CCDC81: variants seen among roughly 807,000 people sequenced by gnomAD.
CCDC81 encodes coiled-coil domain containing 81.
A neutral mutation model predicts 83.7 loss-of-function variants in CCDC81; 79 were observed. The observed-to-expected ratio is 0.94, with a 90% CI of 0.79 to 1.14. CCDC81 has a LOEUF of 1.14. CCDC81 is among the 50% of genes most tolerant of loss of function. The pLI, the probability that CCDC81 is intolerant of heterozygous loss-of-function variation, is 0.00. For missense variants in CCDC81, 791 were observed against 778.1 expected (o/e 1.02, Z -0.20); for synonymous variants, 252 against 278.1 (o/e 0.91, Z 0.93).
intron 1 of CCDC81, among the ~76,000 whole-genome samples, chr11:86,382,437 T>C (rs375357838): frequency 6.4e-4 from 98 of 152,266 alleles, no homozygotes; most frequent in African/African-American, 2.3e-3. Context: ...ACTTCTGAGT[T>C]CCTGGCTCAT....
At chr11:86,384,312 G>C (rs77611544) in intron 1 of CCDC81, among the ~76,000 whole-genome samples, 1 of 152,016 alleles carries the variant, frequency 6.6e-6, no homozygotes, top group African/African-American at 2.4e-5. Context: ...TATGGGCTGT[G>C]GGGGTGGGGA....
intron 14 of CCDC81, 82 bp downstream of exon 14, chr11:86,420,135 C>A: frequency 6.7e-7 from 1 of 1,498,940 alleles, no homozygotes; most frequent in Admixed American, 2.1e-5. Flanking sequence ...ACTTGATTAG[C>A]AGTGGCTGCC....
Position 86,409,243 on chromosome 11 carries a change from T to G in CCDC81, c.1114-18T>G. On this transcript the variant is annotated intron_variant, in intron 9 of 14. Coordinates refer to ENST00000445632, the MANE Select transcript of CCDC81 (RefSeq NM_001156474.2). ...ATTTAAAATTTAAAAATAAACTTTT[T>G]TTTTTTTTAAACAATAGATGAAAAG... 1 of 1,290,556 alleles carries G rather than the reference T, an allele frequency of 7.7e-7. No individual in the cohort carries two copies. The highest frequency in any genetic ancestry group is 1.5e-5 in the African/African-American group (1 of 64,822). 79.9% of individuals were successfully genotyped at this position (1,290,556 alleles called of 1,614,324 possible).
intron 7 of CCDC81, among the ~76,000 whole-genome samples, chr11:86,405,945 C>T (rs1310192359): frequency 4.6e-5 from 7 of 151,826 alleles, no homozygotes; most frequent in African/African-American, 1.2e-4. Context: ...GTATTTTTAG[C>T]GGAGACAGGG....
At chr11:86,414,658 T>C (rs913678591) in intron 11 of CCDC81, 131 bp from the exon 12 acceptor site, 4 of 627,266 alleles carry the variant, frequency 6.4e-6, no homozygotes, top group Non-Finnish European at 5.5e-6. Context: ...GCTACCAGAA[T>C]AAAACATCAA....
intron 1 of CCDC81, among the ~76,000 whole-genome samples, chr11:86,385,223 A>G (rs1487982883): frequency 6.6e-6 from 1 of 152,164 alleles, no homozygotes; most frequent in Non-Finnish European, 1.5e-5. Flanking sequence ...CCCTGTCTCT[A>G]CTAAAAGTAC....
intron 7 of CCDC81, among the ~76,000 whole-genome samples, chr11:86,402,088 T>C (rs1948498098): frequency 6.9e-6 from 1 of 145,914 alleles, no homozygotes; most frequent in African/African-American, 2.6e-5. Flanking sequence ...TGAGCCAAGA[T>C]AGTGCCACTG....
chr11:86,398,390 T>C (rs1948438487), intron 6 of CCDC81, among the ~76,000 whole-genome samples: 1 of 152,188 alleles, frequency 6.6e-6, no homozygotes, highest in South Asian at 2.1e-4. Flanking sequence ...ACATTTCTAA[T>C]GAAAAACAAA....
intron 10 of CCDC81, among the ~76,000 whole-genome samples, chr11:86,410,951 A>G (rs544402442): frequency 1.4e-4 from 22 of 152,322 alleles, no homozygotes; most frequent in Non-Finnish European, 3.1e-4. Flanking sequence ...GCCAAGCCAC[A>G]TTGTTATGCT....
intron 10 of CCDC81, among the ~76,000 whole-genome samples, chr11:86,412,029 C>A (rs2138535458): frequency 6.6e-6 from 1 of 152,336 alleles, no homozygotes; most frequent in Admixed American, 6.5e-5. Context: ...GCTATATAAA[C>A]CCCTACTTTT....
At chr11:86,408,745 T>C (rs1037435231) in intron 9 of CCDC81, among the ~76,000 whole-genome samples, 7 of 152,240 alleles carry the variant, frequency 4.6e-5, no homozygotes, top group Non-Finnish European at 5.9e-5. Flanking sequence ...TTTTCACTAA[T>C]AATAAACAAC....
rs760946036 is a variant in CCDC81, at chr11:86,412,522, T to G, written c.1354T>G (p.Leu452Val). Residue 452 changes from leucine (L) to valine (V), a missense_variant, in exon 11 of 15, where the codon TTG becomes GTG. By Grantham distance (32) the Leu-to-Val change is conservative. Transcript: ENST00000445632. The part of the protein sequence containing the change: ...NEIKQRQYRE[L>V]MDRLEQVQLT... ...AATAAAGCAAAGACAATACAGAGAG[T>G]TGATGGACCGCCTGGAACAAGTGCA... The G allele has an allele frequency of 6.2e-7, 1 of 1,612,672 alleles. No individual in the cohort carries two copies. The highest frequency in any genetic ancestry group is 8.5e-7 in the Non-Finnish European group (1 of 1,179,578).
chr11:86,409,960 C>T (rs994447577), intron 10 of CCDC81, among the ~76,000 whole-genome samples: 1 of 152,284 alleles, frequency 6.6e-6, no homozygotes. Flanking sequence ...CTACTAAAGT[C>T]CAGCCCAAGG....
intron 1 of CCDC81, among the ~76,000 whole-genome samples, chr11:86,378,547 G>C (rs371415893): frequency 6.6e-6 from 1 of 152,130 alleles, no homozygotes; most frequent in Non-Finnish European, 1.5e-5. Context: ...AGCTGGATCT[G>C]TTCATTTCTG....
rs1948260314 is a variant in CCDC81, at chr11:86,387,542, T to C, written c.168T>C (p.Thr56=). 6.2e-7 allele frequency: 1 copy of C among 1,613,980 alleles called. No homozygotes were observed. The highest frequency in any genetic ancestry group is 1.7e-5 in the Admixed American group (1 of 60,004). ...GGGTTCAGATTCCAGCATTTGGAAC[T>C]TTCACTTTCATAAGACAAAAGCTTG... The part of the protein sequence containing the change: ...HKGVQIPAFG[T]FTFIRQKLEV... The change falls in exon 3 of 15, where the codon ACT becomes ACC. Residue 56 remains threonine (T), a synonymous_variant. Transcript: ENST00000445632.
chr11:86,401,349 A>G (rs542419878), intron 7 of CCDC81, among the ~76,000 whole-genome samples: 1 of 152,302 alleles, frequency 6.6e-6, no homozygotes, highest in East Asian at 1.9e-4. Flanking sequence ...ACCTCAAATC[A>G]GTCAACCATA....
At chr11:86,375,342 C>A in intron 1 of CCDC81, 100 bp downstream of exon 1, 1 of 1,021,750 alleles carries the variant, frequency 9.8e-7, no homozygotes, top group Non-Finnish European at 1.4e-6. Flanking sequence ...TGGCTCAGGC[C>A]TGGCCTGCCG....
At chr11:86,388,263 T>C (rs981547062) in intron 3 of CCDC81, among the ~76,000 whole-genome samples, 17 of 148,946 alleles carry the variant, frequency 1.1e-4, no homozygotes, top group African/African-American at 3.7e-4. Context: ...GAGCCAACTA[T>C]GTGTCAGACC....
chr11:86,401,875 G>A (rs766681480), intron 7 of CCDC81, among the ~76,000 whole-genome samples: 2 of 152,090 alleles, frequency 1.3e-5, no homozygotes, highest in Non-Finnish European at 2.9e-5. Context: ...AGTGGCTCAC[G>A]CCTGTAATCC....
Sources: allele counts gnomAD v4.1 joint callset (sites outside exome capture counted in the v4.1 genomes callset), GRCh38; gene constraint gnomAD v4.1.1; transcripts MANE v1.5; gene names NCBI Gene and HGNC (gene_info 2026-07-23, HGNC 2026-07-21).